The following AKAP6 variants were observed in gnomAD, a reference collection of about 807,000 sequenced individuals.
The protein encoded by AKAP6 is A-kinase anchoring protein 6, also known as A-kinase anchor protein 6.
AKAP6 carries 58 observed loss-of-function variants against 188.5 expected under a neutral mutation model. That is an observed-to-expected ratio of 0.31 (90% CI 0.25 to 0.38). The LOEUF is 0.38. Among genes scored for constraint, AKAP6 ranks in the 10% least tolerant of loss-of-function variants. The pLI, the probability that AKAP6 is intolerant of heterozygous loss-of-function variation, is 1.00. For missense variants in AKAP6, 2,710 were observed against 2,740.0 expected (o/e 0.99, Z 0.24); for synonymous variants, 989 against 998.6 (o/e 0.99, Z 0.18).
At chr14:32,433,424 C>A in intron 1 of AKAP6, 36 bp from the exon 2 acceptor site, 1 of 1,386,464 alleles carries the variant, frequency 7.2e-7, no homozygotes, top group Non-Finnish European at 9.9e-7. Flanking sequence ...GCAATCTTGA[C>A]TGACTCTTGC....
chr14:32,665,117 G>T (rs1290710739), intron 7 of AKAP6, among the ~76,000 whole-genome samples: 1 of 152,026 alleles, frequency 6.6e-6, no homozygotes, highest in Non-Finnish European at 1.5e-5. Flanking sequence ...ATATTTGGGG[G>T]TGGGGAGAGT....
intron 1 of AKAP6, among the ~76,000 whole-genome samples, chr14:32,355,125 C>G (rs1187987919): frequency 1.3e-5 from 2 of 152,198 alleles, no homozygotes; most frequent in East Asian, 1.9e-4. Context: ...CATATTCCTT[C>G]AATACATTTC....
At chr14:32,437,849 C>T (rs1310339824) in intron 2 of AKAP6, among the ~76,000 whole-genome samples, 4 of 152,152 alleles carry the variant, frequency 2.6e-5, no homozygotes, top group Non-Finnish European at 5.9e-5. Flanking sequence ...ATCTTCTAGC[C>T]TCTGCCTTCC....
At chr14:32,707,333 C>T (rs1890851065) in intron 9 of AKAP6, among the ~76,000 whole-genome samples, 1 of 152,068 alleles carries the variant, frequency 6.6e-6, no homozygotes, top group Non-Finnish European at 1.5e-5. Flanking sequence ...GTCTGGAGCA[C>T]ATTTCCATGT....
intron 12 of AKAP6, among the ~76,000 whole-genome samples, chr14:32,777,186 A>C (rs1223369721): frequency 6.6e-6 from 1 of 152,228 alleles, no homozygotes; most frequent in East Asian, 1.9e-4. Context: ...AAACTGTTTC[A>C]AAGTAATTTA....
chr14:32,597,694 C>T (rs1885761874), intron 5 of AKAP6, among the ~76,000 whole-genome samples: 1 of 152,140 alleles, frequency 6.6e-6, no homozygotes. Flanking sequence ...GATATTGTCA[C>T]TTTCTGTTAT....
intron 11 of AKAP6, among the ~76,000 whole-genome samples, chr14:32,743,290 G>T (rs2031757310): frequency 6.6e-6 from 1 of 152,048 alleles, no homozygotes. Flanking sequence ...GTAGGCAACG[G>T]ATCAATGGGT....
At chr14:32,828,144 G>C (rs1392947817) in intron 13 of AKAP6, among the ~76,000 whole-genome samples, 1 of 152,172 alleles carries the variant, frequency 6.6e-6, no homozygotes, top group Non-Finnish European at 1.5e-5. Flanking sequence ...ATTTGTGCAT[G>C]CTCAAGTACG....
chr14:32,723,278 T>C (rs894867488), intron 9 of AKAP6, among the ~76,000 whole-genome samples: 1 of 152,226 alleles, frequency 6.6e-6, no homozygotes, highest in Non-Finnish European at 1.5e-5. Flanking sequence ...AGTTTAAAAC[T>C]TTTTATCATT....
At chr14:32,567,368 A>G (rs1339752604) in intron 4 of AKAP6, among the ~76,000 whole-genome samples, 1 of 152,058 alleles carries the variant, frequency 6.6e-6, no homozygotes, top group African/African-American at 2.4e-5. Flanking sequence ...TTCCAAACAG[A>G]TGTGTTTAGA....
At position 32,821,864 on chromosome 14, in the gene AKAP6, T is replaced by C; in HGVS notation, c.4051T>C (p.Cys1351Arg). 1 of 1,613,922 alleles carries C rather than the reference T, an allele frequency of 6.2e-7. No individual in the cohort carries two copies. Among genetic ancestry groups the C allele is most frequent in the Non-Finnish European group, 8.5e-7 (1 of 1,179,942 alleles). Residue 1351 changes from cysteine (C) to arginine (R), a missense_variant, in exon 13 of 14, where the codon TGT (cysteine) becomes CGT (arginine). By Grantham distance (180) the Cys-to-Arg change is radical (BLOSUM62 -3). Coordinates refer to ENST00000280979, the MANE Select transcript of AKAP6 (RefSeq NM_004274.5). ...TTCCAATTTGGTAAAGCCCTGCGCATGTCATGGAGGAGACATGAGCCAGAA... is the reference window on the plus strand; with the variant it reads ...TTCCAATTTGGTAAAGCCCTGCGCACGTCATGGAGGAGACATGAGCCAGAA... ...GGSNLVKPCACHGGDMSQNSG... is the reference protein window; with the variant it reads ...GGSNLVKPCARHGGDMSQNSG...
chr14:32,675,639 C>G (rs1382889362), intron 7 of AKAP6, among the ~76,000 whole-genome samples: 1 of 152,154 alleles, frequency 6.6e-6, no homozygotes, highest in Non-Finnish European at 1.5e-5. Flanking sequence ...GAATGAATCA[C>G]TGAAAACAGA....
chr14:32,385,321 C>G (rs1888494997), intron 1 of AKAP6, among the ~76,000 whole-genome samples: 1 of 151,912 alleles, frequency 6.6e-6, no homozygotes, highest in Non-Finnish European at 1.5e-5. Flanking sequence ...CTTTTGATGG[C>G]ATTGGTTTGA....
At chr14:32,564,169 A>G (rs1401600250) in intron 4 of AKAP6, among the ~76,000 whole-genome samples, 1 of 152,228 alleles carries the variant, frequency 6.6e-6, no homozygotes, top group East Asian at 1.9e-4. Context: ...TGTTTAGAGA[A>G]TAATGACAAG....
chr14:32,523,013 C>A (rs1881926031), intron 2 of AKAP6, among the ~76,000 whole-genome samples: 1 of 152,154 alleles, frequency 6.6e-6, no homozygotes, highest in South Asian at 2.1e-4. Context: ...AGGATGAGTT[C>A]ATGTCCTTTG....
intron 7 of AKAP6, among the ~76,000 whole-genome samples, chr14:32,671,137 G>A (rs1403550066): frequency 6.6e-6 from 1 of 152,172 alleles, no homozygotes; most frequent in Non-Finnish European, 1.5e-5. Context: ...GGGGTGAGTT[G>A]TAGTTTTAAG....
At chr14:32,624,513 C>G (rs1363862089) in intron 7 of AKAP6, among the ~76,000 whole-genome samples, 1 of 151,974 alleles carries the variant, frequency 6.6e-6, no homozygotes, top group African/African-American at 2.4e-5. Flanking sequence ...ATGTATAATT[C>G]AAAAGATTCA....
chr14:32,809,842 A>G (rs1302524525), intron 12 of AKAP6, among the ~76,000 whole-genome samples: 39 of 152,220 alleles, frequency 2.6e-4, no homozygotes, highest in Non-Finnish European at 8.8e-5. Context: ...GACATTTGCC[A>G]GGAGAATGTC....
chr14:32,705,850 G>A (rs147502404), intron 9 of AKAP6, among the ~76,000 whole-genome samples: 24 of 152,214 alleles, frequency 1.6e-4, no homozygotes, highest in African/African-American at 5.1e-4. Flanking sequence ...CACAGCCACC[G>A]TCTTAAATAT....
Sources: allele counts gnomAD v4.1 joint callset (sites outside exome capture counted in the v4.1 genomes callset), GRCh38; gene constraint gnomAD v4.1.1; transcripts MANE v1.5; gene names NCBI Gene and HGNC (gene_info 2026-07-23, HGNC 2026-07-21).